Variants in ANKRD11 observed in about 807,000 individuals in gnomAD.
The protein encoded by ANKRD11 is ankyrin repeat domain 11.
Under a neutral mutation model 195.7 loss-of-function variants are expected in ANKRD11, and 17 were observed. The observed-to-expected ratio is 0.09, with a 90% CI of 0.06 to 0.13. The LOEUF is 0.13. Among genes scored for constraint, ANKRD11 ranks in the 10% least tolerant of loss-of-function variants. The probability of loss-of-function intolerance (pLI) is 1.00; values close to 1 mark genes in which losing one functional copy is unlikely to be tolerated. For missense variants in ANKRD11, 3,735 were observed against 3,566.1 expected (o/e 1.05, Z -1.21); for synonymous variants, 1,953 against 1,528.1 (o/e 1.28, Z -6.49).
chr16:89,435,478 C>A (rs1430947839), intron 1 of ANKRD11, among the ~76,000 whole-genome samples: 6 of 152,124 alleles, frequency 3.9e-5, no homozygotes, highest in Non-Finnish European at 7.3e-5. Context: ...TGAGCTGTAA[C>A]CCTCAGCGCG....
chr16:89,453,719 G>A (rs549682782), intron 1 of ANKRD11, among the ~76,000 whole-genome samples: 3 of 152,304 alleles, frequency 2.0e-5, no homozygotes, highest in Non-Finnish European at 2.9e-5. Context: ...TGAAGACACA[G>A]CGGCAAACAA....
Position 89,285,195 on chromosome 16 carries a change from C to A in ANKRD11, c.1347G>T (p.Lys449Asn), listed in dbSNP as rs781777695. 1 of 1,613,586 alleles carries A rather than the reference C, an allele frequency of 6.2e-7. No individual in the cohort carries two copies. The highest frequency in any genetic ancestry group is 1.3e-5 in the African/African-American group (1 of 75,008). Residue 449 changes from lysine to asparagine, a missense_variant, in exon 9 of 13, where the codon AAG becomes AAT. Coordinates refer to ENST00000301030, the MANE Select transcript of ANKRD11 (RefSeq NM_013275.6). This position sits in a 1 kb window ranked among gnomAD's most constrained non-coding sequence, Gnocchi z 5.6. ...TREPSNAKQQ[K>N]EKNKVKKKRK... Reference sequence around the variant, plus strand: ...GCTTCTTTTTCACTTTATTTTTTTCCTTCTGCTGCTTGGCATTAGAAGGCT... The same window carrying A: ...GCTTCTTTTTCACTTTATTTTTTTCATTCTGCTGCTTGGCATTAGAAGGCT...
At chr16:89,439,899 C>T (rs528552089) in intron 1 of ANKRD11, among the ~76,000 whole-genome samples, 15 of 152,346 alleles carry the variant, frequency 9.8e-5, no homozygotes, top group South Asian at 2.1e-4. Flanking sequence ...GGGCGGCCTC[C>T]GGAGAAGTCA....
Position 89,280,742 on chromosome 16 carries a change from G to T in ANKRD11, c.5800C>A (p.Leu1934Met). 6.2e-7 allele frequency: 1 copy of T among 1,613,514 alleles called. No homozygotes were observed. The highest frequency in any genetic ancestry group is 8.5e-7 in the Non-Finnish European group (1 of 1,179,912). Reference protein sequence around the residue: ...IPPEPSYLEPLDEGPFSAVIT... With the variant: ...IPPEPSYLEPMDEGPFSAVIT... ...ACGGCGCTGAAGGGACCCTCGTCCA[G>T]CGGCTCCAGGTAGCTGGGCTCCGGG... Residue 1934 changes from leucine to methionine, a missense_variant, in exon 9 of 13, where the codon CTG becomes ATG. By Grantham distance (15) the Leu-to-Met change is conservative. Coordinates refer to ENST00000301030, the MANE Select transcript of ANKRD11 (RefSeq NM_013275.6).
intron 2 of ANKRD11, among the ~76,000 whole-genome samples, chr16:89,320,539 G>A (rs1339359912): frequency 1.3e-5 from 2 of 152,200 alleles, no homozygotes; most frequent in South Asian, 2.1e-4. Flanking sequence ...CCCAGGCCAC[G>A]CATTCCTTGT....
At chr16:89,379,014 C>T (rs891031963) in intron 2 of ANKRD11, among the ~76,000 whole-genome samples, 4 of 152,328 alleles carry the variant, frequency 2.6e-5, no homozygotes, top group South Asian at 4.1e-4. Flanking sequence ...CTCCTGCAGT[C>T]GTAGACAAGC....
chr16:89,415,281 TTGAGA>T (rs2042250922), intron 2 of ANKRD11, among the ~76,000 whole-genome samples: 1 of 105,020 alleles, frequency 9.5e-6, no homozygotes, highest in Non-Finnish European at 2.0e-5. Flanking sequence ...TTTTTTTTTT[TTGAGA>T]TGGAGTCTCC....
chr16:89,286,108 T>C lies in ANKRD11; in HGVS notation c.823A>G (p.Asn275Asp). 1 of 1,614,218 alleles carries C rather than the reference T, an allele frequency of 6.2e-7. No homozygotes were observed. ...AGGAGGTTCACCATCGTGGGGGAGT[T>C]GGCCACTTTCAGCGGCGTCTCGCCT... ...RKGETPLKVA[N>D]SPTMVNLLLG... The change falls in exon 8 of 13, where the codon AAC becomes GAC. Residue 275 changes from asparagine (N) to aspartate (D), a missense_variant. By Grantham distance (23) the Asn-to-Asp change is conservative. Coordinates refer to ENST00000301030, the MANE Select transcript of ANKRD11 (RefSeq NM_013275.6).
intron 6 of ANKRD11, among the ~76,000 whole-genome samples, chr16:89,290,275 TAGGCTCAGGGCTCCAGCC>T (rs2034951649): frequency 9.8e-5 from 2 of 20,400 alleles, no homozygotes; most frequent in Admixed American, 4.8e-4. Flanking sequence ...CCAATGGGGG[TAGGCTCAGGGCTCCAGCC>T]GGGGGAGGCT....
rs535179881 is a variant in ANKRD11 at position 89,430,603 on chromosome 16, G to A, written c.-144-12235C>T. Among the ~76,000 whole-genome samples, 34 of 152,242 alleles carry A rather than the reference G, an allele frequency of 2.2e-4. No homozygotes were observed. In the South Asian group the frequency reaches 6.4e-3, roughly 29 times the overall value. ...AGACGTTCTAGTACACAGCAGGTGC[G>A]CTGTCCTTTAACAAGGACAAAGGTC... is the stretch of plus-strand genomic sequence containing the variant. On this transcript the variant is annotated intron_variant, in intron 1 of 12. Coordinates refer to ENST00000301030, the MANE Select transcript of ANKRD11 (RefSeq NM_013275.6).
intron 9 of ANKRD11, among the ~76,000 whole-genome samples, chr16:89,276,190 C>G (rs1451467978): frequency 2.6e-5 from 4 of 152,162 alleles, no homozygotes; most frequent in African/African-American, 9.7e-5. Context: ...TGGGGCGACT[C>G]ATGGCATGAG....
chr16:89,441,235 C>T lies in ANKRD11; in HGVS notation c.-144-22867G>A. Reference sequence around the variant, plus strand: ...TGGGCCACAAAGTGAGACTCCGTCTCAAAAAAAAAAAAGTTTCCTCGCTAT... The same window carrying T: ...TGGGCCACAAAGTGAGACTCCGTCTTAAAAAAAAAAAAGTTTCCTCGCTAT... On this transcript the variant is annotated intron_variant, in intron 1 of 12. Transcript: ENST00000301030. Among the ~76,000 whole-genome samples, 5 of 138,358 alleles carry T rather than the reference C, an allele frequency of 3.6e-5. No individual in the cohort carries two copies. In the Middle Eastern group the frequency reaches 0.014, roughly 398 times the overall value. The allele number at this position is 138,358 out of a possible 152,430, so 90.8% of individuals were successfully genotyped here. A position where few individuals can be genotyped will look rare whatever the true frequency, so the allele number is the denominator to read the frequency against.
At chr16:89,416,854 G>C (rs992031769) in intron 2 of ANKRD11, among the ~76,000 whole-genome samples, 2 of 151,912 alleles carry the variant, frequency 1.3e-5, no homozygotes, top group African/African-American at 4.8e-5. Context: ...TTTTCACAAA[G>C]AGGCACAGCT....
At chr16:89,483,736 G>C (rs937509831) in intron 1 of ANKRD11, among the ~76,000 whole-genome samples, 1 of 151,750 alleles carries the variant, frequency 6.6e-6, no homozygotes, top group Non-Finnish European at 1.5e-5. Flanking sequence ...GATGAGGTAG[G>C]AGAATCGCCT....
chr16:89,295,287 G>A (rs953335499), intron 4 of ANKRD11, among the ~76,000 whole-genome samples: 5 of 152,170 alleles, frequency 3.3e-5, no homozygotes, highest in Non-Finnish European at 1.5e-5. Context: ...AGCGGTGGAG[G>A]GTGCCAGGAG....
intron 3 of ANKRD11, among the ~76,000 whole-genome samples, chr16:89,315,459 C>T (rs1324924804): frequency 2.0e-5 from 3 of 152,216 alleles, no homozygotes; most frequent in Non-Finnish European, 4.4e-5. Context: ...ACCCTGACCA[C>T]CCACCTCCTC....
In ANKRD11 at chr16:89,275,457, T is replaced by A. The variant is rs188098039; in HGVS notation, c.7471-266A>T. On this transcript the variant is annotated intron_variant, in intron 9 of 12. Coordinates refer to ENST00000301030, the MANE Select transcript of ANKRD11 (RefSeq NM_013275.6). ...GCAGGGAGAGGCGCGGGACAGTATC[T>A]GTGGGCCATCGTGTGCCAAGGAGGG... Among the ~76,000 whole-genome samples the A allele has an allele frequency of 6.0e-4, 91 of 152,284 alleles. 1 individual carries two copies. The East Asian group carries it at 0.016, about 27-fold the overall frequency.
At chr16:89,375,260 C>T (rs1463367486) in intron 2 of ANKRD11, among the ~76,000 whole-genome samples, 1 of 152,148 alleles carries the variant, frequency 6.6e-6, no homozygotes, top group Non-Finnish European at 1.5e-5. Context: ...AGCAGCTGGT[C>T]TCTCCAGAAA....
At chr16:89,466,777 G>A (rs2056899843) in intron 1 of ANKRD11, among the ~76,000 whole-genome samples, 1 of 152,208 alleles carries the variant, frequency 6.6e-6, no homozygotes, top group Non-Finnish European at 1.5e-5. Context: ...CAACTCGGTA[G>A]CAGCAAACAA....
Sources: allele counts gnomAD v4.1 joint callset (sites outside exome capture counted in the v4.1 genomes callset), GRCh38; gene constraint gnomAD v4.1.1; non-coding constraint Gnocchi (gnomAD v3.1); transcripts MANE v1.5; gene names NCBI Gene and HGNC (gene_info 2026-07-23, HGNC 2026-07-21).